Variants in SPECC1L observed in about 807,000 individuals in gnomAD.
SPECC1L encodes the protein sperm antigen with calponin homology and coiled-coil domains 1 like, also known as cytospin-A.
SPECC1L carries 40 observed loss-of-function variants against 116.8 expected under a neutral mutation model. The ratio of observed to expected loss-of-function variants is 0.34; its 90% CI spans 0.27 to 0.45. SPECC1L has a LOEUF of 0.45. Ranked by LOEUF, SPECC1L falls within the 20% of genes least tolerant of loss-of-function variation. The pLI is 1.00. For missense variants in SPECC1L, 1,110 were observed against 1,373.6 expected, an observed-to-expected ratio of 0.81 and a Z score of 3.03; for synonymous variants, 504 against 500.6, an observed-to-expected ratio of 1.01 and a Z score of -0.09.
intron 11 of SPECC1L, among the ~76,000 whole-genome samples, chr22:24,347,952 A>G (rs1163902385): frequency 6.6e-6 from 1 of 152,182 alleles, no homozygotes; most frequent in Non-Finnish European, 1.5e-5. Context: ...ATGTGATTAT[A>G]GGCGCAAGCT....
intron 2 of SPECC1L, among the ~76,000 whole-genome samples, chr22:24,289,057 T>C (rs1332292036): frequency 6.6e-6 from 1 of 152,248 alleles, no homozygotes; most frequent in Non-Finnish European, 1.5e-5. Context: ...ATGTTTTGAA[T>C]TAAAACTATG....
intron 14 of SPECC1L, among the ~76,000 whole-genome samples, chr22:24,389,059 G>T (rs1333605113): frequency 6.6e-6 from 1 of 150,376 alleles, no homozygotes; most frequent in Non-Finnish European, 1.5e-5. Flanking sequence ...CCATATTTTT[G>T]AGGTTCTTCC....
chr22:24,352,040 C>G (rs1208781335), intron 11 of SPECC1L, among the ~76,000 whole-genome samples: 4 of 150,088 alleles, frequency 2.7e-5, no homozygotes, highest in Non-Finnish European at 1.5e-5. Context: ...TTTTTTAAAT[C>G]TATTATCCTT....
At chr22:24,340,816 T>A (rs943945876) in intron 10 of SPECC1L, among the ~76,000 whole-genome samples, 1 of 152,162 alleles carries the variant, frequency 6.6e-6, no homozygotes, top group Non-Finnish European at 1.5e-5. Flanking sequence ...CTCTGGGGAC[T>A]GGGGCCTAAG....
At position 24,338,438 on chromosome 22, in the gene SPECC1L, T is replaced by A. The variant is rs774076277; in HGVS notation, c.2613T>A (p.Pro871=). The A allele has an allele frequency of 1.2e-6, 2 of 1,613,958 alleles. No individual in the cohort carries two copies. Among genetic ancestry groups the A allele is most frequent in the Non-Finnish European group, 1.7e-6 (2 of 1,179,984 alleles). ...CTCGAACGCCCCTGAGCCCAAGTCCTATGAAAACCCCTCCTGCAGCAGCTG... is the reference window on the plus strand; with the variant it reads ...CTCGAACGCCCCTGAGCCCAAGTCCAATGAAAACCCCTCCTGCAGCAGCTG... ...AIPRTPLSPS[P]MKTPPAAAVS... Residue 871 remains proline (P), a synonymous_variant, in exon 10 of 17, where the codon CCT becomes CCA. Coordinates refer to ENST00000314328, the MANE Select transcript of SPECC1L (RefSeq NM_015330.6).
At chr22:24,327,006 GC>G (rs2040833799) in intron 6 of SPECC1L, among the ~76,000 whole-genome samples, 1 of 152,172 alleles carries the variant, frequency 6.6e-6, no homozygotes. Context: ...CTGGCTGGGT[GC>G]AGTGGCTCAT....
Position 24,301,171 on chromosome 22 carries a change from C to T in SPECC1L, c.-37-1024C>T, listed in dbSNP as rs563600752. ...ACAGCAAAAGAAACTATCATCAGAG[C>T]AAAGAGGCAACCTACAGAATGGGAG... On this transcript the variant is annotated intron_variant, in intron 2 of 16. Coordinates refer to ENST00000314328, the MANE Select transcript of SPECC1L (RefSeq NM_015330.6). Among the ~76,000 whole-genome samples, 4 of 152,218 alleles carry T rather than the reference C, an allele frequency of 2.6e-5. No homozygotes were observed. The South Asian group carries it at 8.3e-4, about 32-fold the overall frequency.
intron 6 of SPECC1L, among the ~76,000 whole-genome samples, chr22:24,326,345 G>A (rs1037217432): frequency 6.6e-6 from 1 of 152,104 alleles, no homozygotes; most frequent in South Asian, 2.1e-4. Context: ...CTTACTCCTC[G>A]TCTTATGTCC....
At chr22:24,413,400 C>T (rs2042739561) in intron 16 of SPECC1L, among the ~76,000 whole-genome samples, 1 of 152,180 alleles carries the variant, frequency 6.6e-6, no homozygotes, top group South Asian at 2.1e-4. Context: ...GACACACAGA[C>T]CATCGGGATT....
rs138262111 is a variant in SPECC1L at position 24,386,099 on chromosome 22, C to T, written c.3087+16779C>T. 7.6e-3 allele frequency among the ~76,000 whole-genome samples: 1,128 copies of T among 149,144 alleles called. 12 individuals carry two copies. Among genetic ancestry groups the T allele is most frequent in the African/African-American group, 0.026 (1,056 of 40,796 alleles). ...AACAAAAGCATTTGATAAAATTTAA[C>T]TCCTGTTTATTAGTTTCAAAAAAAA... On this transcript the variant is annotated intron_variant, in intron 14 of 16. Coordinates refer to ENST00000314328, the MANE Select transcript of SPECC1L (RefSeq NM_015330.6).
rs2042105646 is a variant in SPECC1L at position 24,383,792 on chromosome 22, A to AATTTT, written c.3087+14472_3087+14473insATTTT. Among the ~76,000 whole-genome samples, 5 of 77,338 alleles carry AATTTT rather than the reference A, an allele frequency of 6.5e-5. 1 individual carries two copies. 50.7% of individuals were successfully genotyped at this position (77,338 alleles called of 152,430 possible). On this transcript the variant is annotated intron_variant, in intron 14 of 16. Transcript: ENST00000314328. ...GCTGGGATTACAGGCACCCACCACT[A>AATTTT]TTTTTTTTTTTTTTTTTTTTTTTTT...
chr22:24,317,754 C>A (rs1225326655), intron 4 of SPECC1L, among the ~76,000 whole-genome samples: 2 of 149,540 alleles, frequency 1.3e-5, no homozygotes, highest in Non-Finnish European at 3.0e-5. Flanking sequence ...AGGGGCTCCT[C>A]ACTTCTCAGA....
chr22:24,373,747 A>G (rs1296365882), intron 14 of SPECC1L, among the ~76,000 whole-genome samples: 2 of 152,206 alleles, frequency 1.3e-5, no homozygotes, highest in East Asian at 1.9e-4. Context: ...ACCAAAAGCA[A>G]TGGCAACAAA....
chr22:24,404,345 C>T (rs764663736), intron 14 of SPECC1L, among the ~76,000 whole-genome samples: 4 of 152,164 alleles, frequency 2.6e-5, no homozygotes, highest in Non-Finnish European at 5.9e-5. Context: ...ACTCACGTGT[C>T]AGCACCACCA....
At chr22:24,412,772 G>A (rs1209499502) in intron 16 of SPECC1L, 65 bp downstream of exon 16, 39 of 1,562,938 alleles carry the variant, frequency 2.5e-5, no homozygotes, top group Non-Finnish European at 3.3e-5. Flanking sequence ...GTTCAGTCCT[G>A]TTTAAGCTGA....
chr22:24,379,657 A>G (rs2042029493), intron 14 of SPECC1L, among the ~76,000 whole-genome samples: 1 of 152,196 alleles, frequency 6.6e-6, no homozygotes, highest in Non-Finnish European at 1.5e-5. Context: ...TACACTTGAC[A>G]GTCTTGGCTA....
chr22:24,352,055 A>G (rs1189464572), intron 11 of SPECC1L, among the ~76,000 whole-genome samples: 3 of 151,960 alleles, frequency 2.0e-5, no homozygotes, highest in Admixed American at 2.0e-4. Context: ...ATCCTTTAGC[A>G]TCATGCACTT....
At chr22:24,317,256 G>A (rs1326140627) in intron 4 of SPECC1L, among the ~76,000 whole-genome samples, 90 of 95,192 alleles carry the variant, frequency 9.5e-4, no homozygotes, top group Non-Finnish European at 1.4e-3. Flanking sequence ...CTGGCCGGGC[G>A]GGGGGCTGAC....
chr22:24,338,420 G>A lies in SPECC1L; in HGVS notation c.2595G>A (p.Thr865=), dbSNP rs768420598. 1.2e-5 allele frequency: 19 copies of A among 1,613,846 alleles called. No homozygotes were observed. Among genetic ancestry groups the A allele is most frequent in the African/African-American group, 8.0e-5 (6 of 74,876 alleles). The change falls in exon 10 of 17, where the codon ACG becomes ACA. Residue 865 remains threonine, a synonymous_variant. Coordinates refer to ENST00000314328, the MANE Select transcript of SPECC1L (RefSeq NM_015330.6). ...PNPAAAAIPR[T]PLSPSPMKTP... is the part of the protein sequence containing the mutation. The stretch of plus-strand genomic sequence containing the variant: ...CTGCTGCAGCTGCAATTCCTCGAAC[G>A]CCCCTGAGCCCAAGTCCTATGAAAA...
Sources: allele counts gnomAD v4.1 joint callset (sites outside exome capture counted in the v4.1 genomes callset), GRCh38; gene constraint gnomAD v4.1.1; transcripts MANE v1.5; gene names NCBI Gene and HGNC (gene_info 2026-07-23, HGNC 2026-07-21).